ANK2: variants seen among roughly 807,000 people sequenced by gnomAD.
ANK2 encodes the protein ankyrin-2.
Under a neutral mutation model 360.5 loss-of-function variants are expected in ANK2, and 83 were observed. The observed-to-expected ratio is 0.23, with a 90% CI of 0.19 to 0.28. The LOEUF (loss-of-function observed/expected upper bound fraction) is 0.28, where lower values mean the gene tolerates loss of function less well. ANK2 is among the 10% of genes least tolerant of loss of function. The pLI, the probability that ANK2 is intolerant of heterozygous loss-of-function variation, is 1.00. For synonymous variants in ANK2, 1,740 were observed against 1,759.5 expected, an observed-to-expected ratio of 0.99 and a Z score of 0.28; for missense variants, 4,201 against 4,795.7, an observed-to-expected ratio of 0.88 and a Z score of 3.66.
chr4:113,142,965 T>G (rs1405749031), intron 1 of ANK2, among the ~76,000 whole-genome samples: 1 of 151,494 alleles, frequency 6.6e-6, no homozygotes, highest in East Asian at 2.0e-4. Context: ...TTTGTCACAC[T>G]TAAATATGTT....
At chr4:112,752,455 T>C in the ANK2 span, among the ~76,000 whole-genome samples, 1 of 152,200 alleles carries the variant, frequency 6.6e-6, no homozygotes. Context: ...TCTGTCTCAC[T>C]GGCTGGAGTG....
At chr4:113,167,677 A>T (rs1014181426) in intron 1 of ANK2, among the ~76,000 whole-genome samples, 1 of 152,188 alleles carries the variant, frequency 6.6e-6, no homozygotes, top group Non-Finnish European at 1.5e-5. Context: ...ATAAATGCTC[A>T]TCTTGATATG....
intron 2 of ANK2, among the ~76,000 whole-genome samples, chr4:112,927,149 G>T (rs2092666056): frequency 6.6e-6 from 1 of 152,186 alleles, no homozygotes; most frequent in African/African-American, 2.4e-5. Context: ...CCTTTGACCT[G>T]TGGGGATTAT....
chr4:113,352,355 G>T (rs1209224083), intron 37 of ANK2, among the ~76,000 whole-genome samples: 2 of 152,042 alleles, frequency 1.3e-5, no homozygotes, highest in Admixed American at 6.6e-5. Context: ...TAAACAAGGA[G>T]GTTGCTCCAA....
Position 113,288,438 on chromosome 4 carries a change from G to T in ANK2, c.2229G>T (p.Met743Ile). The T allele has an allele frequency of 6.2e-7, 1 of 1,613,914 alleles. No homozygotes were observed. The highest frequency in any genetic ancestry group is 8.5e-7 in the Non-Finnish European group (1 of 1,179,896). ...IVACHYGNVK[M>I]VNFLLKQGAN... ...CCTGTCACTATGGAAATGTGAAAATGGTCAACTTTCTTCTGAAGCAGGGAG... is the reference window on the plus strand; with the variant it reads ...CCTGTCACTATGGAAATGTGAAAATTGTCAACTTTCTTCTGAAGCAGGGAG... Residue 743 changes from methionine to isoleucine, a missense_variant, in exon 20 of 46, where the codon ATG becomes ATT. Physicochemically the swap from Met to Ile is conservative, Grantham distance 10 (BLOSUM62 1). Transcript: ENST00000357077.
intron 22 of ANK2, among the ~76,000 whole-genome samples, chr4:113,298,990 A>G (rs372706533): frequency 3.3e-5 from 5 of 152,366 alleles, no homozygotes; most frequent in African/African-American, 1.2e-4. Context: ...ATACCTTCTC[A>G]TGTATAAATG....
the ANK2 span, among the ~76,000 whole-genome samples, chr4:112,723,634 G>A: frequency 6.6e-6 from 1 of 152,114 alleles, no homozygotes; most frequent in Admixed American, 6.6e-5. Context: ...AAAGTGCTGG[G>A]ATTACAGGCA....
the ANK2 span, among the ~76,000 whole-genome samples, chr4:112,714,399 T>C: frequency 7.2e-5 from 11 of 152,304 alleles, no homozygotes; most frequent in African/African-American, 2.4e-4. Context: ...GCCAGGCTGA[T>C]CTTGAACTCC....
intron 1 of ANK2, among the ~76,000 whole-genome samples, chr4:113,110,222 G>A (rs566752168): frequency 4.3e-4 from 66 of 152,186 alleles, no homozygotes; most frequent in Non-Finnish European, 7.9e-4. Flanking sequence ...TGTGTGCAGG[G>A]GAACTGCCCT....
At chr4:113,016,798 C>T (rs570414842) in intron 2 of ANK2, among the ~76,000 whole-genome samples, 79 of 152,310 alleles carry the variant, frequency 5.2e-4, no homozygotes, top group Non-Finnish European at 8.5e-4. Context: ...TAAAGAACTA[C>T]TGAGGACAAG....
In ANK2 at chr4:113,122,550, A is replaced by G. The variant is rs946297901; in HGVS notation, c.85-51866A>G. Among the ~76,000 whole-genome samples, 11 of 152,126 alleles carry G rather than the reference A, an allele frequency of 7.2e-5. No homozygotes were observed. In the East Asian group the frequency reaches 9.6e-4, roughly 13 times the overall value. On this transcript the variant is annotated intron_variant, in intron 1 of 45. Transcript: ENST00000357077. ...CCCAGAACCCCTTCATCAGTATGTC[A>G]GTATTTCCAGAAACCACATTAACAT...
In ANK2 at chr4:113,292,891, C is replaced by T. The variant is rs1259127764; in HGVS notation, c.2376+377C>T. The T allele has an allele frequency of 1.9e-5, 7 of 366,864 alleles. No individual in the cohort carries two copies. In the East Asian group the frequency reaches 4.8e-4, roughly 25 times the overall value. The allele number at this position is 366,864 out of a possible 1,614,324, so 22.7% of individuals were successfully genotyped here. On this transcript the variant is annotated intron_variant, in intron 21 of 45. Transcript: ENST00000357077. Reference sequence around the variant, plus strand: ...AAACAAAGCTCATTGAGTTGTGGAGCCATTGAAATGTAAACTAAGCGGTGC... The same window carrying T: ...AAACAAAGCTCATTGAGTTGTGGAGTCATTGAAATGTAAACTAAGCGGTGC...
Position 113,282,800 on chromosome 4 carries a change from C to T in ANK2, c.2007C>T (p.Ala669=). The T allele has an allele frequency of 1.2e-6, 2 of 1,614,028 alleles. No homozygotes were observed. Among genetic ancestry groups the T allele is most frequent in the Non-Finnish European group, 1.7e-6 (2 of 1,179,970 alleles). Residue 669 remains alanine (A), a synonymous_variant, in exon 18 of 46, where the codon GCC becomes GCT. Transcript: ENST00000357077. ...AAGGAGTAACTCCACTCCATCTGGC[C>T]TCGCAGGAGGGGCACACAGATATGG... ...TKQGVTPLHL[A]SQEGHTDMVT... is the part of the protein sequence containing the mutation.
At chr4:113,373,630 C>CA (rs1334371317) in intron 45 of ANK2, 181 bp downstream of exon 45, 1 of 782,698 alleles carries the variant, frequency 1.3e-6, no homozygotes, top group African/African-American at 1.7e-5. Context: ...AGACAGCCAT[C>CA]AGGGAGACTT....
At chr4:113,181,562 A>G (rs2098414833) in intron 2 of ANK2, among the ~76,000 whole-genome samples, 1 of 152,156 alleles carries the variant, frequency 6.6e-6, no homozygotes, top group Non-Finnish European at 1.5e-5. Flanking sequence ...AACCTGAGAG[A>G]AGAAAAGGCA....
At position 113,201,071 on chromosome 4, in the gene ANK2, C is replaced by T. The variant is rs75666661; in HGVS notation, c.384+1962C>T. Among the ~76,000 whole-genome samples the T allele has an allele frequency of 3.4e-3, 516 of 151,974 alleles. 5 individuals are homozygous for T. The highest frequency in any genetic ancestry group is 0.012 in the African/African-American group (483 of 41,448). ...CAAAAGAGTGAAGGTGTCGTTTTGA[C>T]GTAACGATTTCTTTTCCTTTGGGTA... is the stretch of plus-strand genomic sequence containing the variant. On this transcript the variant is annotated intron_variant, in intron 4 of 45. Transcript: ENST00000357077.
intron 1 of ANK2, among the ~76,000 whole-genome samples, chr4:113,087,182 G>C (rs1371770957): frequency 1.3e-5 from 2 of 152,150 alleles, no homozygotes; most frequent in Non-Finnish European, 2.9e-5. Context: ...GGGATTTGAA[G>C]GATGAGTACA....
intron 2 of ANK2, among the ~76,000 whole-genome samples, chr4:113,181,950 G>A (rs558327633): frequency 4.6e-5 from 7 of 151,974 alleles, no homozygotes; most frequent in Non-Finnish European, 1.0e-4. Flanking sequence ...TAGTGGAAGA[G>A]TGACATACGC....
intron 1 of ANK2, among the ~76,000 whole-genome samples, chr4:112,871,915 A>C (rs920569151): frequency 3.9e-5 from 6 of 152,192 alleles, no homozygotes; most frequent in Non-Finnish European, 8.8e-5. Context: ...TTCTGTATAT[A>C]AACTGACCTT....
Sources: allele counts gnomAD v4.1 joint callset (sites outside exome capture counted in the v4.1 genomes callset), GRCh38; gene constraint gnomAD v4.1.1; transcripts MANE v1.5; gene names NCBI Gene and HGNC (gene_info 2026-07-23, HGNC 2026-07-21).